The following ALPK1 variants were observed in gnomAD, a reference collection of about 807,000 sequenced individuals.
ALPK1 encodes the protein alpha kinase 1.
A neutral mutation model predicts 120.6 loss-of-function variants in ALPK1; 110 were observed. The observed-to-expected ratio is 0.91, with a 90% confidence interval of 0.78 to 1.07. The LOEUF (loss-of-function observed/expected upper bound fraction) is 1.07. Among genes scored for constraint, ALPK1 ranks in the 50% least tolerant of loss-of-function variants. The probability of loss-of-function intolerance (pLI) is 0.00; values close to 1 mark genes in which losing one functional copy is unlikely to be tolerated. For missense variants in ALPK1, 1,498 were observed against 1,483.9 expected (o/e 1.01, Z -0.16); for synonymous variants, 582 against 560.3 (o/e 1.04, Z -0.55).
intron 2 of ALPK1, among the ~76,000 whole-genome samples, chr4:112,316,986 T>G (rs1728664348): frequency 6.6e-6 from 1 of 152,138 alleles, no homozygotes; most frequent in South Asian, 2.1e-4. Context: ...CAAAAAAACT[T>G]TAGTGGATGA....
At chr4:112,375,279 A>C (rs1191507634) in intron 2 of ALPK1, among the ~76,000 whole-genome samples, 1 of 151,608 alleles carries the variant, frequency 6.6e-6, no homozygotes, top group Non-Finnish European at 1.5e-5. Context: ...TCCTGGGCTC[A>C]AGCAATCCTC....
At chr4:112,331,978 G>A (rs951088400) in intron 2 of ALPK1, among the ~76,000 whole-genome samples, 3 of 152,126 alleles carry the variant, frequency 2.0e-5, no homozygotes. Context: ...CAACCACTAA[G>A]TGAGGTTTCT....
chr4:112,423,989 A>T lies in ALPK1; in HGVS notation c.521A>T (p.Asn174Ile). 6.2e-7 allele frequency: 1 copy of T among 1,613,950 alleles called. No individual in the cohort carries two copies. Among genetic ancestry groups the T allele is most frequent in the Non-Finnish European group, 8.5e-7 (1 of 1,180,012 alleles). ...TATATTCTGAGCAGTCTAATAAGCA[A>T]CAATGGAGCAACGGGTGAGTACTTT... ...AEYILSSLIS[N>I]NGATGTWLYR... Residue 174 changes from asparagine (N) to isoleucine (I), a missense_variant, in exon 6 of 16, where the codon AAC (asparagine) becomes ATC (isoleucine). Transcript: ENST00000650871.
At chr4:112,311,592 C>T (rs1054295861) in intron 1 of ALPK1, among the ~76,000 whole-genome samples, 8 of 152,178 alleles carry the variant, frequency 5.3e-5, no homozygotes, top group African/African-American at 1.4e-4. Flanking sequence ...GACACACTTG[C>T]CAGAGCACAC....
intron 2 of ALPK1, among the ~76,000 whole-genome samples, chr4:112,317,628 A>G (rs937116866): frequency 6.6e-6 from 1 of 152,114 alleles, no homozygotes; most frequent in Non-Finnish European, 1.5e-5. Context: ...GCTTCATTGT[A>G]AGTTTTGAAA....
chr4:112,309,939 A>AT (rs1728320657), intron 1 of ALPK1, among the ~76,000 whole-genome samples: 1 of 152,050 alleles, frequency 6.6e-6, no homozygotes, highest in African/African-American at 2.4e-5. Context: ...GGACCCAGAG[A>AT]TTTTCTCTAC....
At chr4:112,355,777 C>A (rs1034747295) in intron 2 of ALPK1, among the ~76,000 whole-genome samples, 3 of 152,224 alleles carry the variant, frequency 2.0e-5, no homozygotes, top group African/African-American at 4.8e-5. Flanking sequence ...CAGTTTCCTC[C>A]TGGAGCACAA....
intron 2 of ALPK1, among the ~76,000 whole-genome samples, chr4:112,352,258 C>A (rs1000592596): frequency 2.0e-5 from 3 of 152,134 alleles, no homozygotes; most frequent in Non-Finnish European, 4.4e-5. Flanking sequence ...AAGACCAAGC[C>A]ATAGATTTAA....
intron 1 of ALPK1, among the ~76,000 whole-genome samples, chr4:112,307,736 A>G (rs1399089401): frequency 6.6e-6 from 1 of 152,106 alleles, no homozygotes; most frequent in Non-Finnish European, 1.5e-5. Flanking sequence ...TAGAGCATTT[A>G]GCCCATTTAC....
intron 11 of ALPK1, among the ~76,000 whole-genome samples, chr4:112,433,874 A>G (rs1253688835): frequency 1.3e-5 from 2 of 152,126 alleles, no homozygotes; most frequent in Non-Finnish European, 2.9e-5. Context: ...CTCACCCCAG[A>G]GATTTCCATC....
intron 2 of ALPK1, among the ~76,000 whole-genome samples, chr4:112,341,371 A>G (rs942455534): frequency 6.6e-6 from 1 of 152,190 alleles, no homozygotes; most frequent in African/African-American, 2.4e-5. Context: ...GTCGCTTGTG[A>G]CAAGGCTGTC....
At position 112,411,932 on chromosome 4, in the gene ALPK1, CT is replaced by C. The variant is rs777325540; in HGVS notation, c.383del (p.Leu128ArgfsTer29). ...TGGGCTCGACGTCTCTGGAAAACTT[CT>C]GCAGGTCGCCAAAGGTCTCCACAAG... is the stretch of plus-strand genomic sequence containing the variant. ...LYGLDVSGKLLQVAKGLHKLQ... is the reference protein window; with the variant it reads ...LYGLDVSGKLXQVAKGLHKLQ... On this transcript the variant is annotated frameshift_variant, in exon 5 of 16. Transcript: ENST00000650871. LOFTEE classifies it high-confidence loss of function. 5.0e-5 allele frequency: 81 copies of C among 1,614,056 alleles called. 1 individual carries two copies. In the South Asian group the frequency reaches 8.2e-4, roughly 16 times the overall value.
chr4:112,301,748 C>T (rs572165575), intron 1 of ALPK1, among the ~76,000 whole-genome samples: 21 of 152,106 alleles, frequency 1.4e-4, no homozygotes, highest in African/African-American at 3.4e-4. Flanking sequence ...ATTTTATTTA[C>T]TTATTTATTT....
At chr4:112,336,794 A>G (rs770154582) in intron 2 of ALPK1, among the ~76,000 whole-genome samples, 4 of 152,194 alleles carry the variant, frequency 2.6e-5, no homozygotes, top group Non-Finnish European at 4.4e-5. Context: ...TCTATTAGCT[A>G]TATAATCTAA....
rs1731736397 is a variant in ALPK1, at chr4:112,377,865, G to A, written c.88G>A (p.Glu30Lys). 1.2e-6 allele frequency: 2 copies of A among 1,613,530 alleles called. No homozygotes were observed. Among genetic ancestry groups the A allele is most frequent in the Non-Finnish European group, 1.7e-6 (2 of 1,179,628 alleles). Residue 30 changes from glutamate to lysine, a missense_variant, in exon 3 of 16, where the codon GAA (glutamate) becomes AAA (lysine). Glu to Lys is a moderately conservative substitution (Grantham distance 56, BLOSUM62 1). Transcript: ENST00000650871. ...QLLLEAPDVS[E>K]EDKSEDQRCR... ...CTTGTTGGAAGCGCCAGATGTGTCG[G>A]AAGAGGACAAGAGCGAGGACCAGCG...
At chr4:112,381,881 C>G (rs9884745) in intron 3 of ALPK1, among the ~76,000 whole-genome samples, 10,032 of 152,128 alleles carry the variant, frequency 0.066, 439 homozygotes, top group Middle Eastern at 0.13. Flanking sequence ...TAATTTACAC[C>G]ATTTCAAATC....
chr4:112,360,824 A>G (rs996205103), intron 2 of ALPK1, among the ~76,000 whole-genome samples: 4 of 152,178 alleles, frequency 2.6e-5, no homozygotes, highest in Non-Finnish European at 5.9e-5. Context: ...AACCAACTGT[A>G]TGTAAGTCCT....
intron 5 of ALPK1, among the ~76,000 whole-genome samples, chr4:112,412,994 T>C (rs1457256004): frequency 6.6e-6 from 1 of 152,244 alleles, no homozygotes. Context: ...CCCAAGTTCA[T>C]TTACGCTCAA....
chr4:112,408,015 G>T (rs1733268866), intron 4 of ALPK1, among the ~76,000 whole-genome samples: 1 of 152,014 alleles, frequency 6.6e-6, no homozygotes. Context: ...GCTGAGGCAG[G>T]AGAATTGCTT....
Sources: allele counts gnomAD v4.1 joint callset (sites outside exome capture counted in the v4.1 genomes callset), GRCh38; gene constraint gnomAD v4.1.1; transcripts MANE v1.5; gene names NCBI Gene and HGNC (gene_info 2026-07-23, HGNC 2026-07-21).